Variants in KCNN2 observed in about 807,000 individuals in gnomAD.
KCNN2 encodes potassium calcium-activated channel subfamily N member 2.
A neutral mutation model predicts 55.5 loss-of-function variants in KCNN2; 24 were observed. That is an observed-to-expected ratio of 0.43 (90% confidence interval 0.31 to 0.61). The LOEUF (loss-of-function observed/expected upper bound fraction) is 0.61, where lower values mean the gene tolerates loss of function less well. Ranked by LOEUF, KCNN2 falls within the 20% of genes least tolerant of loss-of-function variation. KCNN2 has a pLI of 0.08. For synonymous variants in KCNN2, 431 were observed against 336.1 expected (o/e 1.28, Z -3.09); for missense variants, 754 against 853.6 (o/e 0.88, Z 1.45).
chr5:114,178,539 C>G (rs780507519), intron 1 of KCNN2, among the ~76,000 whole-genome samples: 2 of 152,190 alleles, frequency 1.3e-5, no homozygotes, highest in Admixed American at 6.5e-5. Flanking sequence ...TACCCATTCC[C>G]TCTCCAAAGC....
intron 2 of KCNN2, among the ~76,000 whole-genome samples, chr5:114,320,267 C>A (rs551442544): frequency 6.6e-6 from 1 of 152,020 alleles, no homozygotes; most frequent in South Asian, 2.1e-4. Flanking sequence ...TTTGGTTCTA[C>A]AGGGTATTAG....
chr5:114,266,508 G>A (rs1755209992), intron 2 of KCNN2, among the ~76,000 whole-genome samples: 1 of 152,142 alleles, frequency 6.6e-6, no homozygotes, highest in Admixed American at 6.5e-5. Flanking sequence ...TCTAGAGATT[G>A]CCAGGACTGC....
At chr5:114,149,903 G>A (rs950278088) in intron 1 of KCNN2, among the ~76,000 whole-genome samples, 23 of 152,168 alleles carry the variant, frequency 1.5e-4, no homozygotes, top group African/African-American at 5.1e-4. Flanking sequence ...GGCAAGATGA[G>A]GGCATTTATA....
At chr5:114,165,393 G>A (rs568404549) in intron 1 of KCNN2, among the ~76,000 whole-genome samples, 21 of 152,018 alleles carry the variant, frequency 1.4e-4, no homozygotes, top group South Asian at 2.1e-4. Context: ...TATGATTTTC[G>A]TTTTTTCAGA....
chr5:114,445,337 A>G (rs1236681287), intron 3 of KCNN2, among the ~76,000 whole-genome samples: 1 of 152,248 alleles, frequency 6.6e-6, no homozygotes, highest in African/African-American at 2.4e-5. Flanking sequence ...AGGGGTTATC[A>G]TGAGATCCCT....
intron 2 of KCNN2, among the ~76,000 whole-genome samples, chr5:114,311,591 G>C (rs535800041): frequency 6.6e-6 from 1 of 152,174 alleles, no homozygotes; most frequent in Non-Finnish European, 1.5e-5. Flanking sequence ...GCCTTGCATT[G>C]ATCTGAAGAT....
intron 2 of KCNN2, among the ~76,000 whole-genome samples, chr5:114,398,161 G>A (rs1758676862): frequency 6.6e-6 from 1 of 152,084 alleles, no homozygotes; most frequent in South Asian, 2.1e-4. Flanking sequence ...TATTGTTTGG[G>A]GTTTTACATT....
At chr5:114,300,832 T>G (rs2150022172) in intron 2 of KCNN2, among the ~76,000 whole-genome samples, 1 of 152,304 alleles carries the variant, frequency 6.6e-6, no homozygotes, top group East Asian at 1.9e-4. Context: ...AGCACATATT[T>G]TCTGCTCTAA....
At chr5:114,079,567 A>T (rs966816283) in intron 1 of KCNN2, among the ~76,000 whole-genome samples, 1 of 152,186 alleles carries the variant, frequency 6.6e-6, no homozygotes, top group Admixed American at 6.6e-5. Context: ...GATAGATATA[A>T]TAATGCCTAG....
chr5:114,321,830 C>T (rs569844079), intron 2 of KCNN2, among the ~76,000 whole-genome samples: 16 of 152,042 alleles, frequency 1.1e-4, no homozygotes, highest in East Asian at 1.9e-4. Flanking sequence ...CCACCATGCC[C>T]GGCTAATTTT....
intron 2 of KCNN2, among the ~76,000 whole-genome samples, chr5:114,330,279 C>T (rs1756791784): frequency 6.6e-6 from 1 of 152,146 alleles, no homozygotes; most frequent in African/African-American, 2.4e-5. Context: ...TGAGATCTGT[C>T]CTCAGGTACT....
In KCNN2 at chr5:114,112,082, T is replaced by C. The variant is rs577762281; in HGVS notation, c.-271+55582T>C. Among the ~76,000 whole-genome samples, 4 of 152,278 alleles carry C rather than the reference T, an allele frequency of 2.6e-5. No individual in the cohort carries two copies. The South Asian group carries it at 6.2e-4, about 24-fold the overall frequency. On this transcript the variant is annotated intron_variant, in intron 1 of 10. Transcript: ENST00000512097. ...AGCAAAGAAGTGGAACCAACCTAAA[T>C]GTCCATGAATGATAGACTAGATTAA...
At chr5:114,465,291 T>G (rs1170090718) in intron 4 of KCNN2, among the ~76,000 whole-genome samples, 2 of 152,176 alleles carry the variant, frequency 1.3e-5, no homozygotes, top group Admixed American at 1.3e-4. Context: ...TTGCTCAGGT[T>G]TCACTACTGA....
At chr5:114,305,332 T>C (rs1457835902) in intron 2 of KCNN2, among the ~76,000 whole-genome samples, 1 of 152,202 alleles carries the variant, frequency 6.6e-6, no homozygotes. Flanking sequence ...CTCTCTGGAA[T>C]GCAGGCAGGC....
chr5:114,315,471 A>G (rs3112768), intron 2 of KCNN2, among the ~76,000 whole-genome samples: 22 of 141,812 alleles, frequency 1.6e-4, no homozygotes, highest in African/African-American at 4.9e-4. Context: ...GTGTGTATAT[A>G]TATATAAAAC....
At chr5:114,315,646 A>G (rs1383932164) in intron 2 of KCNN2, among the ~76,000 whole-genome samples, 1 of 152,184 alleles carries the variant, frequency 6.6e-6, no homozygotes, top group Non-Finnish European at 1.5e-5. Context: ...CAGAAAATTC[A>G]GAGAACTATC....
chr5:114,402,161 T>A (rs1298805861), intron 2 of KCNN2, among the ~76,000 whole-genome samples: 1 of 151,994 alleles, frequency 6.6e-6, no homozygotes, highest in Non-Finnish European at 1.5e-5. Flanking sequence ...TGGCAGCAGA[T>A]GGAAAAAGCA....
rs1757308330 is a variant in KCNN2 at position 114,357,053 on chromosome 5, AAC to A, written c.-184-3890_-184-3889del. Among the ~76,000 whole-genome samples the A allele has an allele frequency of 2.0e-5, 3 of 152,204 alleles. No homozygotes were observed. In the South Asian group the frequency reaches 6.2e-4, roughly 32 times the overall value. ...CAAAGAAAAAAATAATTCTCAGAAA[AAC>A]ATTTACTTTGTAGGTCAAAATTTTC... is the stretch of plus-strand genomic sequence containing the variant. On this transcript the variant is annotated intron_variant, in intron 2 of 10. Transcript: ENST00000512097.
At chr5:114,070,916 T>C (rs372512408) in intron 1 of KCNN2, among the ~76,000 whole-genome samples, 86 of 152,340 alleles carry the variant, frequency 5.6e-4, no homozygotes, top group African/African-American at 2.0e-3. Flanking sequence ...ATTCCAGTCA[T>C]TCACTTACTT....
Sources: allele counts gnomAD v4.1 joint callset (sites outside exome capture counted in the v4.1 genomes callset), GRCh38; gene constraint gnomAD v4.1.1; transcripts MANE v1.5; gene names NCBI Gene and HGNC (gene_info 2026-07-23, HGNC 2026-07-21).